ARSG: variants seen among roughly 807,000 people sequenced by gnomAD.
ARSG encodes arylsulfatase G, also known as ASG.
A neutral mutation model predicts 50.5 loss-of-function variants in ARSG; 37 were observed. The observed-to-expected ratio is 0.73, with a 90% CI of 0.56 to 0.96. The LOEUF is 0.96. ARSG is among the 50% of genes least tolerant of loss of function. The pLI, the probability that ARSG is intolerant of heterozygous loss-of-function variation, is 0.00. For missense variants in ARSG, 629 were observed against 675.3 expected (o/e 0.93, Z 0.76); for synonymous variants, 225 against 254.6 (o/e 0.88, Z 1.11).
At chr17:68,363,562 G>A (rs1222613988) in intron 6 of ARSG, among the ~76,000 whole-genome samples, 2 of 152,118 alleles carry the variant, frequency 1.3e-5, no homozygotes, top group African/African-American at 4.8e-5. Context: ...CTGCCTCCCA[G>A]GTTCAAGCAA....
At chr17:68,411,250 T>C (rs1386632975) in intron 11 of ARSG, among the ~76,000 whole-genome samples, 2 of 152,256 alleles carry the variant, frequency 1.3e-5, no homozygotes, top group East Asian at 3.8e-4. Flanking sequence ...TGCTTTCTCT[T>C]GTGGGCATTT....
the ARSG span, among the ~76,000 whole-genome samples, chr17:68,451,605 G>A: frequency 4.5e-4 from 68 of 152,290 alleles, no homozygotes; most frequent in Non-Finnish European, 8.1e-4. Context: ...CCCTTTCCCT[G>A]AGAGATTTCA....
intron 1 of ARSG, among the ~76,000 whole-genome samples, chr17:68,282,562 A>G (rs1008039078): frequency 1.5e-4 from 23 of 151,330 alleles, no homozygotes; most frequent in Non-Finnish European, 8.8e-5. Context: ...ACTTTGGGAA[A>G]CTGAGGCTGG....
chr17:68,405,130 C>CTTTTTTTT (rs58178643), intron 11 of ARSG, among the ~76,000 whole-genome samples: 2 of 92,990 alleles, frequency 2.2e-5, no homozygotes, highest in African/African-American at 4.2e-5. Context: ...CAGCTTTGGG[C>CTTTTTTTT]TTTTTTTTTT....
At chr17:68,432,113 A>G in the ARSG span, among the ~76,000 whole-genome samples, 1 of 152,124 alleles carries the variant, frequency 6.6e-6, no homozygotes, top group Non-Finnish European at 1.5e-5. Context: ...AGGACAAACA[A>G]TGAGCTTTGG....
rs573629233 is a variant in ARSG, at chr17:68,333,366, G to A, written c.219-10238G>A. The stretch of plus-strand genomic sequence containing the variant: ...TAAGAGGCCGGGCGTGGTGGCTCAC[G>A]CCTGTAATCCTAGCACTTTGGGAGG... On this transcript the variant is annotated intron_variant, in intron 2 of 11. Transcript: ENST00000621439. 1.8e-4 allele frequency among the ~76,000 whole-genome samples: 28 copies of A among 151,774 alleles called. 1 individual carries two copies. The highest frequency in any genetic ancestry group is 6.2e-4 in the South Asian group (3 of 4,812).
chr17:68,315,708 C>T (rs993146436), intron 2 of ARSG, among the ~76,000 whole-genome samples: 4 of 152,126 alleles, frequency 2.6e-5, no homozygotes, highest in African/African-American at 9.7e-5. Flanking sequence ...TCTTGGCTCA[C>T]TATAACCTCT....
intron 2 of ARSG, among the ~76,000 whole-genome samples, chr17:68,332,043 C>T (rs546932884): frequency 2.6e-5 from 4 of 152,170 alleles, no homozygotes; most frequent in Non-Finnish European, 1.5e-5. Context: ...AGCAGACAAC[C>T]GGTCTGACCA....
the ARSG span, chr17:68,428,182 G>A: frequency 6.6e-6 from 1 of 151,516 alleles, no homozygotes; most frequent in Non-Finnish European, 1.5e-5. Context: ...ACAGGCGTGA[G>A]TCAACATGAC....
chr17:68,370,778 C>A (rs2079801388), intron 8 of ARSG, among the ~76,000 whole-genome samples: 1 of 152,146 alleles, frequency 6.6e-6, no homozygotes, highest in Non-Finnish European at 1.5e-5. Flanking sequence ...GCGACCAGCC[C>A]TCCACCCAAC....
At chr17:68,289,201 G>A (rs1030842462), upstream of ARSG, among the ~76,000 whole-genome samples, 15 of 152,104 alleles carry the variant, frequency 9.9e-5, no homozygotes, top group African/African-American at 3.6e-4. Context: ...TAAAAAATGA[G>A]GTGGGAGGAT....
the ARSG span, chr17:68,434,683 TC>T: frequency 6.3e-7 from 1 of 1,578,010 alleles, no homozygotes; most frequent in Non-Finnish European, 8.7e-7. Context: ...CACAGAGATG[TC>T]CCTTTAGAGA....
intron 2 of ARSG, among the ~76,000 whole-genome samples, chr17:68,307,914 T>C (rs570652693): frequency 2.0e-5 from 3 of 152,116 alleles, no homozygotes; most frequent in African/African-American, 7.2e-5. Context: ...TCTAGTAACA[T>C]TCATTATGTG....
chr17:68,336,722 G>T (rs879258780), intron 2 of ARSG, among the ~76,000 whole-genome samples: 1 of 152,144 alleles, frequency 6.6e-6, no homozygotes, highest in African/African-American at 2.4e-5. Context: ...GCATGGTGGC[G>T]TGCATCTATA....
chr17:68,373,527 C>G (rs2079973265), intron 8 of ARSG, among the ~76,000 whole-genome samples: 2 of 152,154 alleles, frequency 1.3e-5, no homozygotes, highest in Admixed American at 1.3e-4. Flanking sequence ...CCATGCCTGG[C>G]CTACTTTTCA....
the ARSG span, chr17:68,428,228 GT>G: frequency 2.0e-3 from 276 of 135,810 alleles, no homozygotes; most frequent in Non-Finnish European, 2.2e-3. Context: ...CAGGGAATAG[GT>G]TTTTTTTTTT....
chr17:68,341,105 T>C (rs2078248178), intron 2 of ARSG, among the ~76,000 whole-genome samples: 1 of 152,208 alleles, frequency 6.6e-6, no homozygotes, highest in Non-Finnish European at 1.5e-5. Context: ...TAAGCTTTTT[T>C]TGTGGTTCTC....
chr17:68,308,871 G>A (rs1477519163), intron 2 of ARSG, among the ~76,000 whole-genome samples: 4 of 152,254 alleles, frequency 2.6e-5, no homozygotes, highest in African/African-American at 7.2e-5. Context: ...CCGCACCGGC[G>A]CTGCAGGTGG....
At chr17:68,305,165 T>G (rs1409892634) in intron 1 of ARSG, among the ~76,000 whole-genome samples, 1 of 152,000 alleles carries the variant, frequency 6.6e-6, no homozygotes, top group Non-Finnish European at 1.5e-5. Flanking sequence ...TAAAATAAAC[T>G]TGCAAATTTA....
Sources: gnomAD v4.1 joint callset for allele counts (sites outside exome capture counted in the v4.1 genomes callset) on GRCh38, gnomAD v4.1.1 for gene constraint, MANE v1.5 for transcripts, NCBI Gene and HGNC (gene_info 2026-07-23, HGNC 2026-07-21) for gene names.